Variants in MMRN1 observed in about 807,000 individuals in gnomAD.
MMRN1 encodes the protein multimerin 1, also known as multimerin-1.
MMRN1 carries 94 observed loss-of-function variants against 100.7 expected under a neutral mutation model. That is an observed-to-expected ratio of 0.93 (90% CI 0.79 to 1.11). The LOEUF is 1.11. Ranked by LOEUF, MMRN1 falls within the 50% of genes least tolerant of loss-of-function variation. The pLI is 0.00. For synonymous variants in MMRN1, 575 were observed against 505.0 expected, an observed-to-expected ratio of 1.14 and a Z score of -1.86; for missense variants, 1,606 against 1,439.1, an observed-to-expected ratio of 1.12 and a Z score of -1.88.
At chr4:89,916,820 A>G (rs1560587156) in intron 3 of MMRN1, among the ~76,000 whole-genome samples, 2 of 151,422 alleles carry the variant, frequency 1.3e-5, no homozygotes, top group Admixed American at 6.6e-5. Context: ...TCCCTTTTTT[A>G]ATGGAATAAC....
intron 1 of MMRN1, among the ~76,000 whole-genome samples, chr4:89,882,662 T>G (rs919424580): frequency 1.3e-5 from 2 of 151,980 alleles, no homozygotes; most frequent in Non-Finnish European, 2.9e-5. Context: ...AGCAAAAGAT[T>G]GAATACTTGA....
chr4:89,909,260 T>C lies in MMRN1; in HGVS notation c.624-16T>C. The C allele has an allele frequency of 6.4e-7, 1 of 1,571,856 alleles. No individual in the cohort carries two copies. Among genetic ancestry groups the C allele is most frequent in the Non-Finnish European group, 8.6e-7 (1 of 1,160,846 alleles). ...TTGACAACAGTTTTTTCCCTAACAA[T>C]TATGATCTTCTTTAGGAATTGGTGT... On this transcript the variant is annotated splice_polypyrimidine_tract_variant and intron_variant, in intron 1 of 7. Coordinates refer to ENST00000264790, the MANE Select transcript of MMRN1 (RefSeq NM_007351.3).
chr4:89,950,938 C>T (rs1723147147), intron 6 of MMRN1, among the ~76,000 whole-genome samples: 1 of 151,694 alleles, frequency 6.6e-6, no homozygotes, highest in Non-Finnish European at 1.5e-5. Flanking sequence ...CATTAGATTG[C>T]CATGTCTTCT....
At chr4:89,897,815 G>A (rs183710840) in intron 1 of MMRN1, among the ~76,000 whole-genome samples, 140 of 152,154 alleles carry the variant, frequency 9.2e-4, no homozygotes, top group African/African-American at 3.3e-3. Flanking sequence ...TCTGTCTAAG[G>A]AATATTCCCT....
At chr4:89,946,921 A>G (rs906395010) in intron 6 of MMRN1, among the ~76,000 whole-genome samples, 6 of 152,184 alleles carry the variant, frequency 3.9e-5, no homozygotes, top group Admixed American at 3.9e-4. Context: ...ATTAAAAAAA[A>G]TGGACAGGAA....
rs752267339 is a variant in MMRN1, at chr4:89,935,930, G to A, written c.2250G>A (p.Glu750=). ...DFIQDNYALK[E]TLSTIKDNSE... is the part of the protein sequence containing the mutation. ...TTCAAGATAACTATGCCCTAAAAGAGACTTTAAGTACTATTAAGGATAATA... is the reference window on the plus strand; with the variant it reads ...TTCAAGATAACTATGCCCTAAAAGAAACTTTAAGTACTATTAAGGATAATA... The change falls in exon 6 of 8, where the codon GAG becomes GAA. Residue 750 remains glutamate (E), a synonymous_variant. Transcript: ENST00000264790. 2.5e-6 allele frequency: 4 copies of A among 1,609,640 alleles called. No individual in the cohort carries two copies. The South Asian group carries it at 4.4e-5, about 18-fold the overall frequency.
chr4:89,911,311 G>A (rs1024132616), intron 2 of MMRN1, among the ~76,000 whole-genome samples: 2 of 151,196 alleles, frequency 1.3e-5, no homozygotes, highest in African/African-American at 2.4e-5. Context: ...TTTCTTTTCT[G>A]CTGTTCTATG....
chr4:89,935,942 T>C lies in MMRN1; in HGVS notation c.2262T>C (p.Thr754=), dbSNP rs770332472. ...DNYALKETLS[T]IKDNSEIHHK... is the part of the protein sequence containing the mutation. ...ATGCCCTAAAAGAGACTTTAAGTAC[T>C]ATTAAGGATAATAGTGAGATCCATC... is the stretch of plus-strand genomic sequence containing the variant. Residue 754 remains threonine (T), a synonymous_variant, in exon 6 of 8, where the codon ACT becomes ACC. Transcript: ENST00000264790. 15 of 1,610,680 alleles carry C rather than the reference T, an allele frequency of 9.3e-6. No individual in the cohort carries two copies. In the African/African-American group the frequency reaches 1.1e-4, roughly 11 times the overall value.
upstream of MMRN1, among the ~76,000 whole-genome samples, chr4:89,890,825 T>G (rs1368864085): frequency 1.3e-5 from 2 of 152,112 alleles, no homozygotes; most frequent in African/African-American, 4.8e-5. Context: ...ATCAGTATGT[T>G]CCTTATGATC....
chr4:89,920,312 A>G (rs760057810), intron 3 of MMRN1, among the ~76,000 whole-genome samples: 1 of 152,166 alleles, frequency 6.6e-6, no homozygotes, highest in Non-Finnish European at 1.5e-5. Context: ...AAGGAGCAAC[A>G]GTCTGGCTTT....
Position 89,936,450 on chromosome 4 carries a change from C to T in MMRN1, c.2770C>T (p.Leu924Phe). 1 of 1,612,562 alleles carries T rather than the reference C, an allele frequency of 6.2e-7. No individual in the cohort carries two copies. Among genetic ancestry groups the T allele is most frequent in the Non-Finnish European group, 8.5e-7 (1 of 1,179,444 alleles). The change falls in exon 6 of 8, where the codon CTC (leucine) becomes TTC (phenylalanine). Residue 924 changes from leucine (L) to phenylalanine (F), a missense_variant. Physicochemically the swap from Leu to Phe is conservative, Grantham distance 22. Transcript: ENST00000264790. ...SINFFSLNKT[L>F]HEVLTMCHNA... is the part of the protein sequence containing the mutation. Reference sequence around the variant, plus strand: ...TAACTTCTTTTCGCTTAACAAAACTCTCCACGAAGTTTTAACAATGTGTCA... The same window carrying T: ...TAACTTCTTTTCGCTTAACAAAACTTTCCACGAAGTTTTAACAATGTGTCA...
chr4:89,905,203 A>C (rs1721527644), intron 1 of MMRN1, among the ~76,000 whole-genome samples: 2 of 151,608 alleles, frequency 1.3e-5, no homozygotes, highest in African/African-American at 4.8e-5. Flanking sequence ...AGTTTAGTGT[A>C]AAATGATGTA....
rs553033351 is a variant in MMRN1 at position 89,949,169 on chromosome 4, G to A, written c.3119-2436G>A. Among the ~76,000 whole-genome samples the A allele has an allele frequency of 6.6e-5, 10 of 152,264 alleles. No homozygotes were observed. In the South Asian group the frequency reaches 2.1e-3, roughly 32 times the overall value. On this transcript the variant is annotated intron_variant, in intron 6 of 7. Transcript: ENST00000264790. ...CTGAAGATTCAGAGTAGAGCCAACA[G>A]CAATGCAGATAAATCTAATTTTTTC...
chr4:89,909,152 C>G, intron 1 of MMRN1, 124 bp from the exon 2 acceptor site: 1 of 910,692 alleles, frequency 1.1e-6, no homozygotes, highest in Non-Finnish European at 1.6e-6. Flanking sequence ...AGCTAAATAG[C>G]AATCTTACAA....
chr4:89,942,498 T>G (rs1405187655), intron 6 of MMRN1, among the ~76,000 whole-genome samples: 1 of 152,176 alleles, frequency 6.6e-6, no homozygotes, highest in Non-Finnish European at 1.5e-5. Flanking sequence ...AAATAACAGC[T>G]GTGTAATATA....
At chr4:89,942,393 A>G (rs1460042308) in intron 6 of MMRN1, among the ~76,000 whole-genome samples, 1 of 152,182 alleles carries the variant, frequency 6.6e-6, no homozygotes, top group East Asian at 1.9e-4. Flanking sequence ...CATGAAAAGG[A>G]AGGTGGCAGG....
intron 1 of MMRN1, among the ~76,000 whole-genome samples, chr4:89,903,083 T>G (rs1721443898): frequency 6.6e-6 from 1 of 151,944 alleles, no homozygotes; most frequent in Admixed American, 6.6e-5. Flanking sequence ...TATTTAAATA[T>G]AATTTACATA....
chr4:89,908,069 A>G (rs981538924), intron 1 of MMRN1, among the ~76,000 whole-genome samples: 7 of 151,194 alleles, frequency 4.6e-5, no homozygotes, highest in African/African-American at 1.7e-4. Flanking sequence ...AATCTTTAAC[A>G]CATTTTTTAA....
intron 1 of MMRN1, among the ~76,000 whole-genome samples, chr4:89,887,834 A>G (rs538470567): frequency 1.4e-3 from 210 of 152,056 alleles, no homozygotes; most frequent in African/African-American, 4.9e-3. Context: ...TACAAATGCT[A>G]TCAATCTCAC....
Sources: allele counts gnomAD v4.1 joint callset (sites outside exome capture counted in the v4.1 genomes callset), GRCh38; gene constraint gnomAD v4.1.1; transcripts MANE v1.5; gene names NCBI Gene and HGNC (gene_info 2026-07-23, HGNC 2026-07-21).